The following TAFA5 variants were observed in gnomAD, a reference collection of about 807,000 sequenced individuals.
TAFA5 encodes the protein chemokine-like protein TAFA-5.
TAFA5 carries 6 observed loss-of-function variants against 15.3 expected under a neutral mutation model. The ratio of observed to expected loss-of-function variants is 0.39; its 90% CI spans 0.21 to 0.77. The LOEUF is 0.77. TAFA5 is among the 30% of genes least tolerant of loss of function. The pLI is 0.41. For missense variants in TAFA5, 161 were observed against 193.1 expected (o/e 0.83, Z 0.98); for synonymous variants, 103 against 80.7 (o/e 1.28, Z -1.48).
chr22:48,681,698 A>G (rs1208339172), intron 2 of TAFA5, among the ~76,000 whole-genome samples: 1 of 151,972 alleles, frequency 6.6e-6, no homozygotes, highest in Non-Finnish European at 1.5e-5. Flanking sequence ...AGAGGCAAGA[A>G]GTTTCCAAGA....
chr22:48,706,819 C>G (rs908646926), intron 2 of TAFA5, among the ~76,000 whole-genome samples: 1 of 152,212 alleles, frequency 6.6e-6, no homozygotes, highest in Non-Finnish European at 1.5e-5. Flanking sequence ...TTTTGAGATT[C>G]CCGCAGCGAA....
At chr22:48,497,284 C>CGG (rs1421401568) in intron 1 of TAFA5, among the ~76,000 whole-genome samples, 3 of 152,196 alleles carry the variant, frequency 2.0e-5, no homozygotes, top group Non-Finnish European at 4.4e-5. Flanking sequence ...CCGGGGCCTG[C>CGG]GGTCCCACGG....
At chr22:48,561,436 T>C (rs1923226045) in intron 1 of TAFA5, among the ~76,000 whole-genome samples, 1 of 152,088 alleles carries the variant, frequency 6.6e-6, no homozygotes. Flanking sequence ...AGGCACATGG[T>C]GTCCTCAGCA....
chr22:48,592,055 G>A (rs922214380), intron 1 of TAFA5, among the ~76,000 whole-genome samples: 17 of 152,122 alleles, frequency 1.1e-4, no homozygotes, highest in East Asian at 9.7e-4. Flanking sequence ...GGCAGGAGGC[G>A]GGGGGTCCCT....
intron 2 of TAFA5, among the ~76,000 whole-genome samples, chr22:48,677,537 C>T (rs1928014816): frequency 6.6e-6 from 1 of 152,226 alleles, no homozygotes; most frequent in African/African-American, 2.4e-5. Context: ...CAGGAATAGA[C>T]CCAGCAGCAA....
chr22:48,495,467 G>T (rs902114960), intron 1 of TAFA5, among the ~76,000 whole-genome samples: 1 of 152,080 alleles, frequency 6.6e-6, no homozygotes. Context: ...CAACCCAGCC[G>T]CCACCTCAGA....
At position 48,742,046 on chromosome 22, in the gene TAFA5, G is replaced by T. The variant is rs999208343; in HGVS notation, c.391-7793G>T. Among the ~76,000 whole-genome samples, 2 of 152,192 alleles carry T rather than the reference G, an allele frequency of 1.3e-5. No homozygotes were observed. Among genetic ancestry groups the T allele is most frequent in the African/African-American group, 4.8e-5 (2 of 41,442 alleles). ...ACTGTTCCTATCCCGTGTTACAGAC[G>T]GGGAAACTGGGGCTCCCAGAGGCTC... On this transcript the variant is annotated intron_variant, in intron 3 of 3. Transcript: ENST00000402357. The surrounding 1 kb of genome is among the most constrained non-coding windows in gnomAD (Gnocchi z 6.2).
At chr22:48,509,950 CAAAA>C (rs144036099) in intron 1 of TAFA5, among the ~76,000 whole-genome samples, 1 of 91,278 alleles carries the variant, frequency 1.1e-5, no homozygotes, top group African/African-American at 5.6e-5. Context: ...GAATCTGTCT[CAAAA>C]AAAAAAAAAA....
intron 3 of TAFA5, among the ~76,000 whole-genome samples, chr22:48,716,730 A>C (rs1020406530): frequency 6.6e-6 from 1 of 152,208 alleles, no homozygotes; most frequent in South Asian, 2.1e-4. Flanking sequence ...GTACACATAC[A>C]CACACGTATA....
chr22:48,687,449 G>A (rs183566375), intron 2 of TAFA5, among the ~76,000 whole-genome samples: 4 of 150,824 alleles, frequency 2.7e-5, no homozygotes, highest in Non-Finnish European at 4.4e-5. Context: ...TGGCAGGGGT[G>A]GGGGGGCATC....
At chr22:48,507,722 C>T (rs1921050313) in intron 1 of TAFA5, among the ~76,000 whole-genome samples, 1 of 152,136 alleles carries the variant, frequency 6.6e-6, no homozygotes. Flanking sequence ...GCTGGAAACA[C>T]TCCAGGTGGT....
intron 2 of TAFA5, among the ~76,000 whole-genome samples, chr22:48,680,301 C>T (rs1441818157): frequency 2.6e-5 from 4 of 152,220 alleles, no homozygotes; most frequent in African/African-American, 9.6e-5. Context: ...CAGGTTGCTG[C>T]CAGCTTTTGC....
intron 1 of TAFA5, among the ~76,000 whole-genome samples, chr22:48,612,200 A>T (rs952699234): frequency 6.6e-6 from 1 of 152,068 alleles, no homozygotes; most frequent in African/African-American, 2.4e-5. Context: ...ACTGGGCCTC[A>T]TGCTTTTCCA....
chr22:48,643,985 C>T (rs761788), intron 1 of TAFA5, among the ~76,000 whole-genome samples: 25,160 of 152,234 alleles, frequency 0.17, 2,419 homozygotes, highest in Admixed American at 0.3. Flanking sequence ...AACGTAAGAA[C>T]GTGTGCTCGG....
rs1302892470 is a variant in TAFA5, at chr22:48,623,336, G to A, written c.113-23261G>A. 2.6e-4 allele frequency among the ~76,000 whole-genome samples: 30 copies of A among 114,532 alleles called. 3 individuals carry two copies. The highest frequency in any genetic ancestry group is 4.5e-4 in the Non-Finnish European group (24 of 53,320). The allele number at this position is 114,532 out of a possible 152,430, so 75.1% of individuals were successfully genotyped here. A position where few individuals can be genotyped will look rare whatever the true frequency, so the allele number is the denominator to read the frequency against. ...GACGGGACATGTCGCGTGGCCCTGC[G>A]TGGTGACCTGTGGGACGGGACGTGT... On this transcript the variant is annotated intron_variant, in intron 1 of 3. Transcript: ENST00000402357.
At chr22:48,681,819 A>AACCTC (rs1486281591) in intron 2 of TAFA5, among the ~76,000 whole-genome samples, 1 of 122,302 alleles carries the variant, frequency 8.2e-6, no homozygotes, top group South Asian at 2.8e-4. Context: ...TGTTGTCCAC[A>AACCTC]TGTAGACTCT....
intron 1 of TAFA5, among the ~76,000 whole-genome samples, chr22:48,589,718 G>A (rs1601599433): frequency 6.6e-6 from 1 of 152,290 alleles, no homozygotes; most frequent in African/African-American, 2.4e-5. Context: ...GCCTCGTGAA[G>A]ATAGCGCAGG....
chr22:48,649,434 C>T (rs1477636281), intron 2 of TAFA5, among the ~76,000 whole-genome samples: 1 of 152,166 alleles, frequency 6.6e-6, no homozygotes, highest in African/African-American at 2.4e-5. Flanking sequence ...CCATCAGAGG[C>T]TTCTGGTGCA....
intron 2 of TAFA5, among the ~76,000 whole-genome samples, chr22:48,696,870 A>G (rs934010999): frequency 6.6e-6 from 1 of 152,238 alleles, no homozygotes; most frequent in Admixed American, 6.5e-5. Context: ...ACAGTCGCGC[A>G]AAGGCCCTAG....
Sources: allele counts gnomAD v4.1 joint callset (sites outside exome capture counted in the v4.1 genomes callset), GRCh38; gene constraint gnomAD v4.1.1; non-coding constraint Gnocchi (gnomAD v3.1); transcripts MANE v1.5; gene names NCBI Gene and HGNC (gene_info 2026-07-23, HGNC 2026-07-21).